The following RGSL1 variants were observed in gnomAD, a reference collection of about 807,000 sequenced individuals.
RGSL1 encodes regulator of G protein signaling protein-like.
RGSL1 carries 97 observed loss-of-function variants against 124.7 expected under a neutral mutation model. The ratio of observed to expected loss-of-function variants is 0.78; its 90% CI spans 0.66 to 0.92. The LOEUF is 0.92. Among genes scored for constraint, RGSL1 ranks in the 40% least tolerant of loss-of-function variants. The probability of loss-of-function intolerance (pLI) is 0.00; values close to 1 mark genes in which losing one functional copy is unlikely to be tolerated. For missense variants in RGSL1, 1,233 were observed against 1,288.4 expected (o/e 0.96, Z 0.66); for synonymous variants, 424 against 438.1 (o/e 0.97, Z 0.40).
chr1:182,532,511 T>C, intron 13 of RGSL1, 151 bp from the exon 14 acceptor site: 1 of 645,022 alleles, frequency 1.6e-6, no homozygotes, highest in Non-Finnish European at 2.5e-6. Flanking sequence ...AACCTGAGTT[T>C]CCTCACCTTT....
rs371278492 is a variant in RGSL1, at chr1:182,505,646, T to C, written c.1825+12517T>C. Reference sequence around the variant, plus strand: ...TGGATTTGGCATATTCCTCCATTTATTCATGTATTCATTAATTTGTATTTA... The same window carrying C: ...TGGATTTGGCATATTCCTCCATTTACTCATGTATTCATTAATTTGTATTTA... On this transcript the variant is annotated intron_variant, in intron 9 of 21. Transcript: ENST00000294854. Among the ~76,000 whole-genome samples the C allele has an allele frequency of 7.2e-5, 11 of 152,216 alleles. No individual in the cohort carries two copies. The East Asian group carries it at 1.7e-3, about 24-fold the overall frequency.
intron 11 of RGSL1, 49 bp downstream of exon 11, chr1:182,527,821 G>C (rs1489379198): frequency 6.8e-7 from 1 of 1,459,982 alleles, no homozygotes; most frequent in Admixed American, 2.2e-5. Context: ...TAGTGTCTTA[G>C]GAGAATAGCC....
At chr1:182,474,694 G>A (rs950305558) in intron 6 of RGSL1, among the ~76,000 whole-genome samples, 152 bp downstream of exon 6, 1 of 152,198 alleles carries the variant, frequency 6.6e-6, no homozygotes, top group African/African-American at 2.4e-5. Context: ...TGTTAAGGCA[G>A]GGGTCCCCAG....
intron 9 of RGSL1, among the ~76,000 whole-genome samples, chr1:182,517,047 G>A (rs532774993): frequency 1.3e-5 from 2 of 152,130 alleles, no homozygotes; most frequent in East Asian, 1.9e-4. Flanking sequence ...CTTGTAAAAT[G>A]AGTCTAGTGT....
intron 12 of RGSL1, 74 bp downstream of exon 12, chr1:182,530,435 G>C (rs1659084197): frequency 8.6e-7 from 1 of 1,164,602 alleles, no homozygotes; most frequent in African/African-American, 1.6e-5. Flanking sequence ...ATGCATCAAG[G>C]GTTTCCTAAT....
At chr1:182,523,750 CTG>C (rs1365679544) in intron 10 of RGSL1, among the ~76,000 whole-genome samples, 1 of 152,162 alleles carries the variant, frequency 6.6e-6, no homozygotes, top group Non-Finnish European at 1.5e-5. Context: ...TCTAGACACT[CTG>C]TGAGTGCTAA....
At chr1:182,556,292 G>T in intron 21 of RGSL1, 70 bp downstream of exon 21, 1 of 490,774 alleles carries the variant, frequency 2.0e-6, no homozygotes, top group Non-Finnish European at 3.6e-6. Flanking sequence ...GGAGACCTGG[G>T]CTCTAGGTCT....
intron 9 of RGSL1, among the ~76,000 whole-genome samples, chr1:182,500,509 G>C (rs921499955): frequency 1.3e-5 from 2 of 152,066 alleles, no homozygotes; most frequent in Non-Finnish European, 2.9e-5. Context: ...AATTCTATGT[G>C]AGTTTTTGGA....
Position 182,473,601 on chromosome 1 carries a change from C to T in RGSL1, c.490C>T (p.His164Tyr), listed in dbSNP as rs1252770946. Residue 164 changes from histidine to tyrosine, a missense_variant, in exon 6 of 22, where the codon CAT (histidine) becomes TAT (tyrosine). Transcript: ENST00000294854. The stretch of plus-strand genomic sequence containing the variant: ...GTCCCTCCTGAACCTCTCCATCTGG[C>T]ATCCCAACCAATCAACCACTAGGAG... Reference protein sequence around the residue: ...IKSLLNLSIWHPNQSTTRREI... With the variant: ...IKSLLNLSIWYPNQSTTRREI... 6.5e-7 allele frequency: 1 copy of T among 1,548,090 alleles called. No homozygotes were observed. Among genetic ancestry groups the T allele is most frequent in the Non-Finnish European group, 8.7e-7 (1 of 1,145,202 alleles).
chr1:182,491,882 T>C (rs1655551268), intron 8 of RGSL1, among the ~76,000 whole-genome samples: 1 of 152,242 alleles, frequency 6.6e-6, no homozygotes, highest in Non-Finnish European at 1.5e-5. Context: ...AAGGTGCTAC[T>C]ATTCTGCTTC....
intron 6 of RGSL1, among the ~76,000 whole-genome samples, chr1:182,487,448 C>A (rs1171236123): frequency 6.6e-6 from 1 of 152,198 alleles, no homozygotes; most frequent in Non-Finnish European, 1.5e-5. Flanking sequence ...GATTCCCAAA[C>A]ATGTTCTTTC....
intron 9 of RGSL1, among the ~76,000 whole-genome samples, chr1:182,509,264 C>T (rs1426336114): frequency 2.7e-4 from 13 of 47,642 alleles, no homozygotes; most frequent in South Asian, 1.4e-3. Flanking sequence ...TAGGGGCGGC[C>T]GGGCAGAGGC....
intron 9 of RGSL1, among the ~76,000 whole-genome samples, chr1:182,511,672 G>C (rs1248313420): frequency 6.6e-6 from 1 of 152,194 alleles, no homozygotes; most frequent in African/African-American, 2.4e-5. Context: ...TTTGAAACCA[G>C]GTAGTATGAT....
chr1:182,535,747 G>C (rs1269240768), intron 14 of RGSL1, among the ~76,000 whole-genome samples: 2 of 151,914 alleles, frequency 1.3e-5, no homozygotes, highest in Admixed American at 6.6e-5. Context: ...TTGCTGCTTT[G>C]TTTTCTTTTC....
At chr1:182,551,347 C>T in intron 18 of RGSL1, 138 bp downstream of exon 18, 1 of 670,058 alleles carries the variant, frequency 1.5e-6, no homozygotes, top group Admixed American at 2.6e-5. Context: ...ACTTGGCCCT[C>T]AGGGAGACAG....
At chr1:182,466,867 G>GA in intron 4 of RGSL1, among the ~76,000 whole-genome samples, 1 of 151,982 alleles carries the variant, frequency 6.6e-6, no homozygotes, top group Non-Finnish European at 1.5e-5. Context: ...TAACAATTTT[G>GA]AAAAAATTTC....
intron 11 of RGSL1, among the ~76,000 whole-genome samples, chr1:182,529,588 A>C (rs913813491): frequency 2.0e-5 from 3 of 152,222 alleles, no homozygotes; most frequent in Non-Finnish European, 4.4e-5. Context: ...TTTGTCACAG[A>C]TGGTATTTTT....
At chr1:182,540,117 A>C in intron 14 of RGSL1, 130 bp from the exon 15 acceptor site, 2 of 836,132 alleles carry the variant, frequency 2.4e-6, no homozygotes, top group Non-Finnish European at 3.5e-6. Flanking sequence ...GCCCAATGGC[A>C]GTAAGTGACT....
At chr1:182,544,595 G>A (rs376489630) in intron 15 of RGSL1, among the ~76,000 whole-genome samples, 1 of 107,706 alleles carries the variant, frequency 9.3e-6, no homozygotes, top group Non-Finnish European at 2.2e-5. Context: ...GTGGGGTATT[G>A]AAATTCCTGC....
Sources: allele counts gnomAD v4.1 joint callset (sites outside exome capture counted in the v4.1 genomes callset), GRCh38; gene constraint gnomAD v4.1.1; transcripts MANE v1.5; gene names NCBI Gene and HGNC (gene_info 2026-07-23, HGNC 2026-07-21).